Variants in GALNT6 observed in about 807,000 individuals in gnomAD.
GALNT6 encodes polypeptide N-acetylgalactosaminyltransferase 6.
A neutral mutation model predicts 65.9 loss-of-function variants in GALNT6; 51 were observed. The ratio of observed to expected loss-of-function variants is 0.77; its 90% CI spans 0.62 to 0.98. GALNT6 has a LOEUF of 0.98. Among genes scored for constraint, GALNT6 ranks in the 50% least tolerant of loss-of-function variants. GALNT6 has a pLI of 0.00. For synonymous variants in GALNT6, 323 were observed against 315.1 expected (o/e 1.02, Z -0.26); for missense variants, 708 against 803.3 (o/e 0.88, Z 1.43).
intron 2 of GALNT6, among the ~76,000 whole-genome samples, chr12:51,390,507 A>C (rs1376816879): frequency 6.6e-6 from 1 of 152,138 alleles, no homozygotes; most frequent in Non-Finnish European, 1.5e-5. Flanking sequence ...CCTGGTTTTC[A>C]TCATCACATG....
intron 4 of GALNT6, among the ~76,000 whole-genome samples, chr12:51,371,165 C>T (rs1565723980): frequency 1.3e-5 from 2 of 151,736 alleles, no homozygotes; most frequent in Admixed American, 1.3e-4. Context: ...CTCACTGCAA[C>T]CTCCGCCTCC....
Position 51,352,002 on chromosome 12 carries a change from G to A in GALNT6, c.*2377C>T, listed in dbSNP as rs1946623519. 6.6e-6 allele frequency: 1 copy of A among 152,164 alleles called. No homozygotes were observed. Among genetic ancestry groups the A allele is most frequent in the Non-Finnish European group, 1.5e-5 (1 of 68,064 alleles). The allele number at this position is 152,164 out of a possible 1,614,324, so 9.4% of individuals were successfully genotyped here. A position where few individuals can be genotyped will look rare whatever the true frequency, so the allele number is the denominator to read the frequency against. ...ACTCCTTTCCTTTTGGCTGGCCAAT[G>A]TCTCCTCTGTAGGCTCCAGAAGGCT... On this transcript the variant is annotated 3_prime_UTR_variant, in exon 12 of 12. Coordinates refer to ENST00000356317, the MANE Select transcript of GALNT6 (RefSeq NM_007210.4).
At chr12:51,358,908 T>C (rs563506238) in intron 8 of GALNT6, among the ~76,000 whole-genome samples, 19 of 152,184 alleles carry the variant, frequency 1.2e-4, no homozygotes, top group African/African-American at 4.6e-4. Flanking sequence ...TCCCTTCCCC[T>C]CCAAAGGGAT....
chr12:51,362,228 A>G (rs1442311354), intron 6 of GALNT6, among the ~76,000 whole-genome samples: 1 of 152,160 alleles, frequency 6.6e-6, no homozygotes, highest in Non-Finnish European at 1.5e-5. Context: ...AGTCTCCCAG[A>G]CCGAGAAGTC....
intron 2 of GALNT6, 33 bp from the exon 3 acceptor site, chr12:51,379,917 G>C: frequency 2.2e-6 from 2 of 901,572 alleles, no homozygotes; most frequent in Non-Finnish European, 3.3e-6. Context: ...AGAGAAGTGA[G>C]CCAACACAGG....
At chr12:51,354,662 C>T (rs1946693825) in intron 11 of GALNT6, among the ~76,000 whole-genome samples, 170 bp from the exon 12 acceptor site, 1 of 152,138 alleles carries the variant, frequency 6.6e-6, no homozygotes, top group Non-Finnish European at 1.5e-5. Context: ...TTCCTGAGTT[C>T]CCACCTCTAT....
intron 8 of GALNT6, 145 bp from the exon 9 acceptor site, chr12:51,358,406 T>C: frequency 3.5e-6 from 3 of 868,308 alleles, no homozygotes; most frequent in Non-Finnish European, 3.5e-6. Context: ...GTTCAAGCGA[T>C]TCACCTGCCT....
At chr12:51,354,529 C>T in intron 11 of GALNT6, 37 bp from the exon 12 acceptor site, 1 of 1,373,132 alleles carries the variant, frequency 7.3e-7, no homozygotes, top group Non-Finnish European at 1.0e-6. Context: ...GTCTGGGCCA[C>T]AGACCTCTTA....
rs77083851 is a variant in GALNT6, at chr12:51,356,941, C to T, written c.1602+408G>A. Among the ~76,000 whole-genome samples the T allele has an allele frequency of 5.6e-3, 859 of 152,230 alleles. 13 individuals are homozygous for T. The highest frequency in any genetic ancestry group is 0.02 in the African/African-American group (812 of 41,520). ...CTCTGTTTTCAGTGCCTCTCACTTACTAGTGCTGGGCACCTAGTTTTGGGG... is the reference window on the plus strand; with the variant it reads ...CTCTGTTTTCAGTGCCTCTCACTTATTAGTGCTGGGCACCTAGTTTTGGGG... On this transcript the variant is annotated intron_variant, in intron 10 of 11. Coordinates refer to ENST00000356317, the MANE Select transcript of GALNT6 (RefSeq NM_007210.4).
intron 7 of GALNT6, 74 bp downstream of exon 7, chr12:51,360,647 C>T (rs929586581): frequency 1.1e-6 from 1 of 879,522 alleles, no homozygotes; most frequent in East Asian, 2.4e-5. Context: ...CTGATGCCAC[C>T]TCTGCCTGAG....
intron 2 of GALNT6, among the ~76,000 whole-genome samples, chr12:51,389,512 G>C (rs1043794144): frequency 3.3e-5 from 5 of 152,192 alleles, no homozygotes; most frequent in African/African-American, 1.2e-4. Flanking sequence ...TCTTGCATTT[G>C]ACTGGTGCTT....
intron 6 of GALNT6, 144 bp from the exon 7 acceptor site, chr12:51,360,982 A>C: frequency 1.7e-6 from 1 of 599,602 alleles, no homozygotes; most frequent in Non-Finnish European, 3.0e-6. Flanking sequence ...TCATCCACTA[A>C]CTCACTCATC....
intron 10 of GALNT6, among the ~76,000 whole-genome samples, chr12:51,356,881 T>A (rs1406730356): frequency 6.6e-6 from 1 of 152,150 alleles, no homozygotes; most frequent in African/African-American, 2.4e-5. Context: ...AGCGGGCTTG[T>A]TCAGTGACCC....
At chr12:51,382,299 T>G (rs185773600) in intron 2 of GALNT6, 1 of 152,256 alleles carries the variant, frequency 6.6e-6, no homozygotes, top group East Asian at 1.9e-4. Context: ...CATCAGATTT[T>G]AAACAGAGAT....
In GALNT6 at chr12:51,364,312, G is replaced by C; in HGVS notation, c.858C>G (p.Ile286Met). ...HGWLEPLLAR[I>M]AEDKTVVVSP... ...TCACCACCACTGTCTTGTCCTCAGC[G>C]ATTCGAGCCAGGAGGGGCTCCAGCC... Residue 286 changes from isoleucine to methionine, a missense_variant, in exon 6 of 12, where the codon ATC becomes ATG. By Grantham distance (10) the Ile-to-Met change is conservative. Transcript: ENST00000356317. 1 of 1,614,162 alleles carries C rather than the reference G, an allele frequency of 6.2e-7. No homozygotes were observed. Among genetic ancestry groups the C allele is most frequent in the East Asian group, 2.2e-5 (1 of 44,870 alleles).
At chr12:51,390,183 A>C (rs1948005266) in intron 2 of GALNT6, among the ~76,000 whole-genome samples, 1 of 30,078 alleles carries the variant, frequency 3.3e-5, no homozygotes, top group South Asian at 6.8e-4. Flanking sequence ...TTTTTTTGAG[A>C]CAGAGTTTTG....
chr12:51,378,229 C>T (rs1227023739), intron 3 of GALNT6, among the ~76,000 whole-genome samples: 1 of 152,042 alleles, frequency 6.6e-6, no homozygotes, highest in East Asian at 1.9e-4. Flanking sequence ...ATCTTAGCTC[C>T]CTGCAACCTC....
At chr12:51,368,125 G>A (rs767439016) in intron 4 of GALNT6, among the ~76,000 whole-genome samples, 4 of 151,262 alleles carry the variant, frequency 2.6e-5, no homozygotes, top group East Asian at 1.9e-4. Context: ...GTGAGGCCAC[G>A]GACTTTTTTT....
At position 51,364,279 on chromosome 12, in the gene GALNT6, G is replaced by A. The variant is rs773242274; in HGVS notation, c.891C>T (p.Asp297=). The change falls in exon 6 of 12, where the codon GAC becomes GAT. Residue 297 remains aspartate, a synonymous_variant. Transcript: ENST00000356317. ...AEDKTVVVSP[D]IVTIDLNTFE... is the part of the protein sequence containing the mutation. Reference sequence around the variant, plus strand: ...AAGTATTAAGGTCGATGGTGACGATGTCTGGGCTCACCACCACTGTCTTGT... The same window carrying A: ...AAGTATTAAGGTCGATGGTGACGATATCTGGGCTCACCACCACTGTCTTGT... The A allele has an allele frequency of 1.2e-6, 2 of 1,614,200 alleles. No homozygotes were observed. Among genetic ancestry groups the A allele is most frequent in the South Asian group, 1.1e-5 (1 of 91,084 alleles).
Sources: allele counts gnomAD v4.1 joint callset (sites outside exome capture counted in the v4.1 genomes callset), GRCh38; gene constraint gnomAD v4.1.1; transcripts MANE v1.5; gene names NCBI Gene and HGNC (gene_info 2026-07-23, HGNC 2026-07-21).